Variants in MSS51 observed in about 807,000 individuals in gnomAD.
MSS51 encodes the protein putative protein MSS51 homolog, mitochondrial.
A neutral mutation model predicts 40.2 loss-of-function variants in MSS51; 32 were observed. That is an observed-to-expected ratio of 0.80 (90% CI 0.60 to 1.07). The LOEUF is 1.07. MSS51 is among the 50% of genes least tolerant of loss of function. MSS51 has a pLI of 0.00. For missense variants in MSS51, 518 were observed against 568.9 expected, an observed-to-expected ratio of 0.91 and a Z score of 0.91; for synonymous variants, 178 against 214.2, an observed-to-expected ratio of 0.83 and a Z score of 1.48.
intron 3 of MSS51, among the ~76,000 whole-genome samples, chr10:73,426,982 T>C (rs1016224227): frequency 1.3e-5 from 2 of 152,108 alleles, no homozygotes; most frequent in Non-Finnish European, 2.9e-5. Flanking sequence ...TATATCACTT[T>C]TAGAAAAAAC....
chr10:73,432,150 T>TGCC (rs1383709419), intron 1 of MSS51, among the ~76,000 whole-genome samples: 1 of 152,236 alleles, frequency 6.6e-6, no homozygotes, highest in Non-Finnish European at 1.5e-5. Context: ...GTGATTCTCC[T>TGCC]GCCTCAGCCT....
At position 73,430,457 on chromosome 10, in the gene MSS51, A is replaced by G. The variant is rs139220249; in HGVS notation, c.-17-2156T>C. Among the ~76,000 whole-genome samples, 166 of 152,338 alleles carry G rather than the reference A, an allele frequency of 1.1e-3. 2 individuals are homozygous for G. In the South Asian group the frequency reaches 0.011, roughly 10 times the overall value. On this transcript the variant is annotated intron_variant, in intron 1 of 6. Coordinates refer to ENST00000299432, the MANE Select transcript of MSS51 (RefSeq NM_001024593.2). ...AAACAACCCAACTAAAAAATTGGGCATAACATGTGAATAGGCATTTTCCCA... is the reference window on the plus strand; with the variant it reads ...AAACAACCCAACTAAAAAATTGGGCGTAACATGTGAATAGGCATTTTCCCA...
Position 73,430,597 on chromosome 10 carries a change from T to TAA in MSS51, c.-17-2298_-17-2297dup, listed in dbSNP as rs557580328. 2.1e-3 allele frequency among the ~76,000 whole-genome samples: 299 copies of TAA among 140,890 alleles called. 1 individual carries two copies. The highest frequency in any genetic ancestry group is 7.5e-3 in the African/African-American group (289 of 38,786). 92.4% of individuals were successfully genotyped at this position (140,890 alleles called of 152,430 possible). A position where few individuals can be genotyped will look rare whatever the true frequency, so the allele number is the denominator to read the frequency against. On this transcript the variant is annotated intron_variant, in intron 1 of 6. Coordinates refer to ENST00000299432, the MANE Select transcript of MSS51 (RefSeq NM_001024593.2). The stretch of plus-strand genomic sequence containing the variant: ...TTCATACCCACTAGTATGGCTATTA[T>TAA]AAAAAAAAAAAACAGAAAATGACAA...
At position 73,425,878 on chromosome 10, in the gene MSS51, G is replaced by A. The variant is rs1439721644; in HGVS notation, c.1002C>T (p.Asp334=). Reference sequence around the variant, plus strand: ...CGGTCTCTACTTGCTCCTCCCAGAAGTCATGGTAGAGGCCCCTGTGGGCAC... The same window carrying A: ...CGGTCTCTACTTGCTCCTCCCAGAAATCATGGTAGAGGCCCCTGTGGGCAC... ...QLSAHRGLYH[D]FWEEQVETGQ... is the part of the protein sequence containing the mutation. The change falls in exon 5 of 7, where the codon GAC becomes GAT. Residue 334 remains aspartate, a synonymous_variant. Coordinates refer to ENST00000299432, the MANE Select transcript of MSS51 (RefSeq NM_001024593.2). The A allele has an allele frequency of 6.2e-7, 1 of 1,614,116 alleles. No individual in the cohort carries two copies. The highest frequency in any genetic ancestry group is 1.7e-5 in the Admixed American group (1 of 60,022).
chr10:73,424,596 A>G lies in MSS51; in HGVS notation c.1340T>C (p.Leu447Pro). 6.2e-7 allele frequency: 1 copy of G among 1,614,162 alleles called. No homozygotes were observed. Reference sequence around the variant, plus strand: ...TTTCTCTTCTAATTGCCTATTATCCAGCTGACAGGAGCTTCCAAGAAACAT... The same window carrying G: ...TTTCTCTTCTAATTGCCTATTATCCGGCTGACAGGAGCTTCCAAGAAACAT... ...YIMFLGSSCQ[L>P]DNRQLEEKVD... Residue 447 changes from leucine (L) to proline (P), a missense_variant, in exon 7 of 7, where the codon CTG becomes CCG. By Grantham distance (98) the Leu-to-Pro change is moderately conservative. Coordinates refer to ENST00000299432, the MANE Select transcript of MSS51 (RefSeq NM_001024593.2).
chr10:73,429,850 T>A (rs2056015652), intron 1 of MSS51, among the ~76,000 whole-genome samples: 1 of 151,920 alleles, frequency 6.6e-6, no homozygotes, highest in Non-Finnish European at 1.5e-5. Context: ...ATGTAGACTA[T>A]AAGGTACTAT....
At chr10:73,431,209 T>C (rs562336712) in intron 1 of MSS51, among the ~76,000 whole-genome samples, 14 of 152,278 alleles carry the variant, frequency 9.2e-5, no homozygotes, top group Middle Eastern at 3.4e-3. Context: ...AAGACAAAAT[T>C]GATGGTTGAA....
intron 4 of MSS51, 89 bp downstream of exon 4, chr10:73,426,518 T>C (rs2055989546): frequency 6.3e-7 from 1 of 1,596,652 alleles, no homozygotes. Flanking sequence ...CACTTCCTCA[T>C]TTTTTCATAA....
rs373938911 is a variant in MSS51, at chr10:73,424,712, G to T, written c.1224C>A (p.Ala408=). The T allele has an allele frequency of 8.7e-6, 14 of 1,614,064 alleles. No homozygotes were observed. In the African/African-American group the frequency reaches 1.5e-4, roughly 17 times the overall value. ...GGGACATGAAAGGATTAGACCCAAA[G>T]GCAGTGATGTGTGTATCCAGTTCCA... ...ILVELDTHIT[A]FGSNPFMSLK... Residue 408 remains alanine (A), a synonymous_variant, in exon 7 of 7, where the codon GCC becomes GCA. Coordinates refer to ENST00000299432, the MANE Select transcript of MSS51 (RefSeq NM_001024593.2).
intron 4 of MSS51, 74 bp from the exon 5 acceptor site, chr10:73,426,451 TA>T (rs1177526089): frequency 7.4e-5 from 117 of 1,574,774 alleles, no homozygotes; most frequent in Admixed American, 3.3e-4. Flanking sequence ...TAATGATCAA[TA>T]TTCCCTCCAT....
At position 73,427,739 on chromosome 10, in the gene MSS51, G is replaced by T. The variant is rs1273164241; in HGVS notation, c.251C>A (p.Ser84Ter). 1.2e-6 allele frequency: 2 copies of T among 1,614,064 alleles called. No individual in the cohort carries two copies. Among genetic ancestry groups the T allele is most frequent in the Admixed American group, 1.7e-5 (1 of 59,998 alleles). Residue 84 changes from serine (S) to a stop codon, truncating the protein, a stop_gained, in exon 3 of 7, where the codon TCA becomes TAA. Transcript: ENST00000299432. LOFTEE classifies it high-confidence loss of function. Reference sequence around the variant, plus strand: ...TTGAGGACATCGAAATCCAAAGCCTGATACGGGGGTACCCCCATCTACCAC... The same window carrying T: ...TTGAGGACATCGAAATCCAAAGCCTTATACGGGGGTACCCCCATCTACCAC... ...KLVVDGGTPV[S>*]GFGFRCPQEM... is the part of the protein sequence containing the mutation.
chr10:73,433,295 C>T (rs2056042500), intron 1 of MSS51, among the ~76,000 whole-genome samples: 1 of 151,778 alleles, frequency 6.6e-6, no homozygotes, highest in Non-Finnish European at 1.5e-5. Context: ...CCAAAAAATG[C>T]AAAACGTCTT....
At chr10:73,429,648 C>T (rs1433630373) in intron 1 of MSS51, 1 of 456,454 alleles carries the variant, frequency 2.2e-6, no homozygotes. Context: ...CTGTGCTGTC[C>T]TCTTTCCCTG....
At chr10:73,425,069 A>G in intron 6 of MSS51, 29 bp downstream of exon 6, 1 of 1,517,570 alleles carries the variant, frequency 6.6e-7, no homozygotes, top group Non-Finnish European at 9.2e-7. Context: ...AAAGTCAGGG[A>G]AGTATCACAA....
At chr10:73,426,935 G>A (rs1218386948) in intron 3 of MSS51, among the ~76,000 whole-genome samples, 1 of 152,134 alleles carries the variant, frequency 6.6e-6, no homozygotes, top group Admixed American at 6.6e-5. Flanking sequence ...GCCAGACAGA[G>A]TGATACCTTA....
intron 1 of MSS51, among the ~76,000 whole-genome samples, chr10:73,431,856 C>A (rs986619212): frequency 2.6e-5 from 4 of 152,094 alleles, no homozygotes; most frequent in African/African-American, 4.8e-5. Flanking sequence ...AGGGTCATGT[C>A]CTTTTACCAA....
Position 73,427,740 on chromosome 10 carries a change from A to G in MSS51, c.250T>C (p.Ser84Pro). The G allele has an allele frequency of 1.9e-6, 3 of 1,614,214 alleles. No homozygotes were observed. The highest frequency in any genetic ancestry group is 1.7e-6 in the Non-Finnish European group (2 of 1,180,036). ...TGAGGACATCGAAATCCAAAGCCTG[A>G]TACGGGGGTACCCCCATCTACCACC... is the stretch of plus-strand genomic sequence containing the variant. ...KLVVDGGTPV[S>P]GFGFRCPQEM... The change falls in exon 3 of 7, where the codon TCA becomes CCA. Residue 84 changes from serine (S) to proline (P), a missense_variant. Physicochemically the swap from Ser to Pro is moderately conservative, Grantham distance 74 (BLOSUM62 -1). Coordinates refer to ENST00000299432, the MANE Select transcript of MSS51 (RefSeq NM_001024593.2).
chr10:73,428,446 T>A, intron 1 of MSS51, 145 bp from the exon 2 acceptor site: 1 of 638,212 alleles, frequency 1.6e-6, no homozygotes, highest in Non-Finnish European at 2.7e-6. Context: ...ATTTACTGGT[T>A]ATTGATCACC....
rs2055960743 is a variant in MSS51, at chr10:73,423,707, A to G, written c.*846T>C. On this transcript the variant is annotated 3_prime_UTR_variant, in exon 7 of 7. Transcript: ENST00000299432. ...TAACACCAGGGCTACTCTAGGGTCAAAAGTCCCCAAGAGAAAACAGGAAAA... is the reference window on the plus strand; with the variant it reads ...TAACACCAGGGCTACTCTAGGGTCAGAAGTCCCCAAGAGAAAACAGGAAAA... The G allele has an allele frequency of 1.3e-5, 2 of 152,256 alleles. No individual in the cohort carries two copies. Among genetic ancestry groups the G allele is most frequent in the South Asian group, 4.1e-4 (2 of 4,834 alleles). 9.4% of individuals were successfully genotyped at this position (152,256 alleles called of 1,614,324 possible). A position where few individuals can be genotyped will look rare whatever the true frequency, so the allele number is the denominator to read the frequency against.
Sources: gnomAD v4.1 joint callset for allele counts (sites outside exome capture counted in the v4.1 genomes callset) on GRCh38, gnomAD v4.1.1 for gene constraint, MANE v1.5 for transcripts, NCBI Gene and HGNC (gene_info 2026-07-23, HGNC 2026-07-21) for gene names.